The following L3MBTL3 variants were observed in gnomAD, a reference collection of about 807,000 sequenced individuals.
The protein encoded by L3MBTL3 is L3MBTL histone methyl-lysine binding protein 3, also known as lethal(3)malignant brain tumor-like protein 3.
L3MBTL3 carries 27 observed loss-of-function variants against 102.3 expected under a neutral mutation model. The observed-to-expected ratio is 0.26, with a 90% CI of 0.19 to 0.36. L3MBTL3 has a LOEUF of 0.36. Among genes scored for constraint, L3MBTL3 ranks in the 10% least tolerant of loss-of-function variants. The pLI is 1.00. For missense variants in L3MBTL3, 798 were observed against 955.3 expected (o/e 0.84, Z 2.17); for synonymous variants, 340 against 320.9 (o/e 1.06, Z -0.64).
At position 130,060,161 on chromosome 6, in the gene L3MBTL3, T is replaced by A. The variant is rs1781797566; in HGVS notation, c.864+21T>A. ...CGGAGGTAAGCTTTGCCTCGTCCTT[T>A]ATTTTTAAAATAAAATGGTGATTAT... On this transcript the variant is annotated intron_variant, in intron 10 of 22. Transcript: ENST00000361794. 3 of 1,412,306 alleles carry A rather than the reference T, an allele frequency of 2.1e-6. No individual in the cohort carries two copies. In the South Asian group the frequency reaches 3.9e-5, roughly 18 times the overall value. 87.5% of individuals were successfully genotyped at this position (1,412,306 alleles called of 1,614,324 possible).
intron 2 of L3MBTL3, among the ~76,000 whole-genome samples, chr6:130,035,696 G>T (rs1780014998): frequency 6.6e-6 from 1 of 152,166 alleles, no homozygotes; most frequent in Non-Finnish European, 1.5e-5. Flanking sequence ...GGTCAGCCAT[G>T]ACATTACGTA....
chr6:130,059,892 G>A (rs1781776853), intron 9 of L3MBTL3, 144 bp from the exon 10 acceptor site: 3 of 561,722 alleles, frequency 5.3e-6, no homozygotes, highest in Non-Finnish European at 9.4e-6. Flanking sequence ...TTTTCAGTGG[G>A]TTATTTATTG....
chr6:130,021,164 C>G (rs940842698), intron 1 of L3MBTL3, among the ~76,000 whole-genome samples: 13 of 152,026 alleles, frequency 8.6e-5, no homozygotes, highest in Non-Finnish European at 1.3e-4. Context: ...AGCATTTCTC[C>G]GGAAAGTTTC....
chr6:130,081,721 G>A (rs796245367), intron 14 of L3MBTL3, among the ~76,000 whole-genome samples: 16 of 152,012 alleles, frequency 1.1e-4, no homozygotes, highest in African/African-American at 2.4e-4. Flanking sequence ...CACCGCACCC[G>A]GCTGCATATT....
intron 12 of L3MBTL3, among the ~76,000 whole-genome samples, chr6:130,068,776 G>A (rs959256253): frequency 1.3e-5 from 2 of 152,126 alleles, no homozygotes; most frequent in African/African-American, 4.8e-5. Flanking sequence ...GATGAAGGTA[G>A]CCCTGTTTCA....
chr6:130,078,676 C>A (rs1358132496), intron 14 of L3MBTL3, 42 bp downstream of exon 14: 2 of 1,311,750 alleles, frequency 1.5e-6, no homozygotes, highest in Non-Finnish European at 2.2e-6. Flanking sequence ...TCGTAGACTT[C>A]AAGAGTAGGC....
At chr6:130,051,829 A>T (rs763745837) in intron 6 of L3MBTL3, among the ~76,000 whole-genome samples, 5 of 152,222 alleles carry the variant, frequency 3.3e-5, no homozygotes, top group Non-Finnish European at 7.3e-5. Context: ...ACTGATTCGT[A>T]ATCAGCTGAA....
chr6:130,036,342 A>C (rs1367634156), intron 2 of L3MBTL3, among the ~76,000 whole-genome samples: 1 of 152,196 alleles, frequency 6.6e-6, no homozygotes, highest in African/African-American at 2.4e-5. Flanking sequence ...TAGGCTTCAA[A>C]ATTAGATGAT....
At chr6:130,029,390 T>G (rs1048183124) in intron 2 of L3MBTL3, among the ~76,000 whole-genome samples, 3 of 152,240 alleles carry the variant, frequency 2.0e-5, no homozygotes, top group Non-Finnish European at 4.4e-5. Flanking sequence ...AAGCAGGTCC[T>G]GGAACCACAT....
intron 2 of L3MBTL3, among the ~76,000 whole-genome samples, chr6:130,025,503 G>A (rs557596113): frequency 2.9e-4 from 44 of 152,122 alleles, no homozygotes; most frequent in Admixed American, 1.8e-3. Context: ...CTTGATTTAT[G>A]AAGTAAAATT....
rs568243557 is a variant in L3MBTL3 at position 130,073,277 on chromosome 6, T to C, written c.1244+2150T>C. Reference sequence around the variant, plus strand: ...TTTCAAAAACAGTAAAGATTTTCTATACATATTTTGAATGGGTGAGTGGAT... The same window carrying C: ...TTTCAAAAACAGTAAAGATTTTCTACACATATTTTGAATGGGTGAGTGGAT... On this transcript the variant is annotated intron_variant, in intron 13 of 22. Coordinates refer to ENST00000361794, the MANE Select transcript of L3MBTL3 (RefSeq NM_032438.4). 9.2e-5 allele frequency among the ~76,000 whole-genome samples: 14 copies of C among 152,264 alleles called. No individual in the cohort carries two copies. The South Asian group carries it at 2.7e-3, about 29-fold the overall frequency.
intron 22 of L3MBTL3, chr6:130,137,534 C>T (rs1374121568): frequency 6.6e-6 from 1 of 151,926 alleles, no homozygotes; most frequent in Non-Finnish European, 1.5e-5. Flanking sequence ...TGTATGTAAC[C>T]TTATAAATAA....
At chr6:130,057,942 G>T (rs1781618806) in intron 9 of L3MBTL3, among the ~76,000 whole-genome samples, 1 of 151,874 alleles carries the variant, frequency 6.6e-6, no homozygotes, top group African/African-American at 2.4e-5. Flanking sequence ...AGGAGATCGA[G>T]ACCATCCTGG....
At chr6:130,070,587 A>G (rs1037374074) in intron 12 of L3MBTL3, among the ~76,000 whole-genome samples, 3 of 152,098 alleles carry the variant, frequency 2.0e-5, no homozygotes, top group African/African-American at 4.8e-5. Flanking sequence ...TGTGTGAATA[A>G]TTTTCATTGT....
At chr6:130,106,102 CATG>C (rs1214960898) in intron 19 of L3MBTL3, among the ~76,000 whole-genome samples, 1 of 151,956 alleles carries the variant, frequency 6.6e-6, no homozygotes, top group African/African-American at 2.4e-5. Context: ...GCACATATTT[CATG>C]TCTAAATATT....
intron 19 of L3MBTL3, among the ~76,000 whole-genome samples, chr6:130,117,286 T>A (rs1029407915): frequency 1.3e-5 from 2 of 150,154 alleles, no homozygotes; most frequent in Non-Finnish European, 2.9e-5. Context: ...TCCATGTCCC[T>A]ACAAAGGACA....
chr6:130,079,246 C>A (rs1331491067), intron 14 of L3MBTL3, among the ~76,000 whole-genome samples: 1 of 152,098 alleles, frequency 6.6e-6, no homozygotes, highest in Non-Finnish European at 1.5e-5. Flanking sequence ...TTTCCTTTTT[C>A]TGTCGTGATT....
rs143541243 is a variant in L3MBTL3, at chr6:130,063,977, C to T, written c.865-2376C>T. On this transcript the variant is annotated intron_variant, in intron 10 of 22. Transcript: ENST00000361794. ...AGTGTTGTCAGTCTGTGCATGTCCACGAACACTGCGAGTATTATTTTGGGG... is the reference window on the plus strand; with the variant it reads ...AGTGTTGTCAGTCTGTGCATGTCCATGAACACTGCGAGTATTATTTTGGGG... Among the ~76,000 whole-genome samples, 7 of 152,238 alleles carry T rather than the reference C, an allele frequency of 4.6e-5. No individual in the cohort carries two copies. The East Asian group carries it at 5.8e-4, about 13-fold the overall frequency.
At chr6:130,061,411 A>G (rs1013436789) in intron 10 of L3MBTL3, among the ~76,000 whole-genome samples, 1 of 152,164 alleles carries the variant, frequency 6.6e-6, no homozygotes, top group Non-Finnish European at 1.5e-5. Flanking sequence ...TTCTCAAAAC[A>G]ACCTTTTGAG....
Sources: gnomAD v4.1 joint callset for allele counts (sites outside exome capture counted in the v4.1 genomes callset) on GRCh38, gnomAD v4.1.1 for gene constraint, MANE v1.5 for transcripts, NCBI Gene and HGNC (gene_info 2026-07-23, HGNC 2026-07-21) for gene names.